Variants in RBFOX1 observed in about 807,000 individuals in gnomAD.
RBFOX1 encodes the protein RNA binding fox-1 homolog 1.
RBFOX1 carries 8 observed loss-of-function variants against 57.7 expected under a neutral mutation model. The ratio of observed to expected loss-of-function variants is 0.14; its 90% CI spans 0.08 to 0.25. The LOEUF (loss-of-function observed/expected upper bound fraction) is 0.25. RBFOX1 is among the 10% of genes least tolerant of loss of function. RBFOX1 has a pLI of 1.00. For synonymous variants in RBFOX1, 326 were observed against 222.4 expected, an observed-to-expected ratio of 1.47 and a Z score of -4.15; for missense variants, 611 against 548.5, an observed-to-expected ratio of 1.11 and a Z score of -1.14.
At chr16:5,859,090 A>G (rs777852444) in intron 3 of RBFOX1, among the ~76,000 whole-genome samples, 23 of 152,312 alleles carry the variant, frequency 1.5e-4, no homozygotes, top group Non-Finnish European at 3.1e-4. Context: ...CTGTGGTCCC[A>G]GCTACTTGGG....
chr16:6,773,851 A>T (rs751658894), intron 3 of RBFOX1: 425 of 534,096 alleles, frequency 8.0e-4, no homozygotes, highest in Non-Finnish European at 9.4e-4. Flanking sequence ...TTGTGTGTAT[A>T]TATGTGTGGA....
At chr16:5,845,893 C>T (rs2056743999) in intron 3 of RBFOX1, among the ~76,000 whole-genome samples, 1 of 152,126 alleles carries the variant, frequency 6.6e-6, no homozygotes, top group South Asian at 2.1e-4. Flanking sequence ...GAGAAAATGG[C>T]CTGGCGTGGT....
At chr16:6,058,829 TATTTATCCATCCATCCATCCATCC>T (rs1431796370) in intron 1 of RBFOX1, among the ~76,000 whole-genome samples, 5 of 125,468 alleles carry the variant, frequency 4.0e-5, no homozygotes, top group African/African-American at 9.0e-5. Flanking sequence ...CCCACTCATT[TATTTATCCATCCATCCATCCATCC>T]ATCCATCCAT....
At chr16:6,132,279 A>C (rs997721565) in intron 1 of RBFOX1, among the ~76,000 whole-genome samples, 1 of 151,720 alleles carries the variant, frequency 6.6e-6, no homozygotes, top group South Asian at 2.1e-4. Context: ...CCTGGCAGTT[A>C]GGTGGAGCTC....
chr16:6,253,691 G>T (rs1567781980), intron 1 of RBFOX1, among the ~76,000 whole-genome samples: 1 of 110,480 alleles, frequency 9.1e-6, no homozygotes, highest in African/African-American at 2.7e-5. Context: ...GTGTGTGTGT[G>T]TGTGTGTGTA....
intron 1 of RBFOX1, among the ~76,000 whole-genome samples, chr16:6,117,022 G>C (rs555685688): frequency 2.6e-5 from 4 of 152,138 alleles, no homozygotes; most frequent in Non-Finnish European, 5.9e-5. Context: ...TCTGAATAGG[G>C]TGTGTGTCCA....
At chr16:7,709,170 C>CTCCCT in intron 15 of RBFOX1, 39 bp downstream of exon 15, 1 of 1,545,282 alleles carries the variant, frequency 6.5e-7, no homozygotes, top group Non-Finnish European at 8.9e-7. Flanking sequence ...TTCCTCCTGC[C>CTCCCT]TCCCTTCCCT....
chr16:6,701,412 G>C (rs573494807), intron 3 of RBFOX1, among the ~76,000 whole-genome samples: 2 of 152,196 alleles, frequency 1.3e-5, no homozygotes, highest in Non-Finnish European at 2.9e-5. Flanking sequence ...GCATTAGTCT[G>C]TTTTACATTG....
At chr16:5,937,570 C>T (rs901717704) in intron 4 of RBFOX1, among the ~76,000 whole-genome samples, 1 of 150,652 alleles carries the variant, frequency 6.6e-6, no homozygotes, top group Non-Finnish European at 1.5e-5. Context: ...TATATAGTTG[C>T]TTATTTATAT....
chr16:6,121,323 A>C (rs570180726), intron 1 of RBFOX1, among the ~76,000 whole-genome samples: 3 of 152,256 alleles, frequency 2.0e-5, no homozygotes, highest in Non-Finnish European at 4.4e-5. Flanking sequence ...AAGGTGCCCC[A>C]GTGGGTGTGA....
intron 3 of RBFOX1, among the ~76,000 whole-genome samples, chr16:6,742,582 A>G (rs78754988): frequency 0.022 from 3,419 of 152,296 alleles, 147 homozygotes; most frequent in African/African-American, 0.078. Context: ...GGAAACAACC[A>G]AAATATCTAC....
At chr16:5,831,798 C>A (rs143621031) in intron 3 of RBFOX1, among the ~76,000 whole-genome samples, 1 of 152,044 alleles carries the variant, frequency 6.6e-6, no homozygotes, top group South Asian at 2.1e-4. Context: ...GCAAGATGGC[C>A]TAATACTGTC....
chr16:6,674,125 G>T (rs1370502602), intron 3 of RBFOX1, among the ~76,000 whole-genome samples: 1 of 152,128 alleles, frequency 6.6e-6, no homozygotes, highest in East Asian at 1.9e-4. Context: ...AGCTAAGATT[G>T]GTATTAAGTC....
In RBFOX1 at chr16:5,392,085, G is replaced by A. The variant is rs576767966; in HGVS notation, c.220-75131G>A. ...TCATAAGTGGGAGCTAAGCTATGAG[G>A]ACGCAAAGGCATAAGAATGATACAA... On this transcript the variant is annotated intron_variant, in intron 1 of 2. Transcript: ENST00000585867. 4.6e-5 allele frequency among the ~76,000 whole-genome samples: 7 copies of A among 152,144 alleles called. No homozygotes were observed. The South Asian group carries it at 1.5e-3, about 32-fold the overall frequency.
intron 3 of RBFOX1, among the ~76,000 whole-genome samples, chr16:6,856,030 A>G (rs1423540006): frequency 6.6e-6 from 1 of 152,014 alleles, no homozygotes; most frequent in Non-Finnish European, 1.5e-5. Flanking sequence ...TAACTAGGGA[A>G]TGGTGCTCAT....
At position 5,851,925 on chromosome 16, in the gene RBFOX1, A is replaced by G. The variant is rs1467698249; in HGVS notation, c.319-15378A>G. ...ACATTGGCTGGAGAGCAGAGGCTCC[A>G]TCATTAGAGGCACCCGAATTAAAAG... On this transcript the variant is annotated intron_variant, in intron 3 of 19. Transcript: ENST00000641259. Among the ~76,000 whole-genome samples the G allele has an allele frequency of 1.2e-4, 18 of 152,316 alleles. No homozygotes were observed. The East Asian group carries it at 3.3e-3, about 28-fold the overall frequency.
intron 2 of RBFOX1, among the ~76,000 whole-genome samples, chr16:5,499,397 C>G (rs989743467): frequency 1.3e-5 from 2 of 152,108 alleles, no homozygotes; most frequent in African/African-American, 2.4e-5. Flanking sequence ...TTCTGCTCAC[C>G]AATCCTGACC....
At chr16:7,000,586 CTTTTTCTTTCTT>C (rs1460420163) in intron 3 of RBFOX1, among the ~76,000 whole-genome samples, 1 of 95,834 alleles carries the variant, frequency 1.0e-5, no homozygotes, top group African/African-American at 3.4e-5. Flanking sequence ...TTTTTTCTTT[CTTTTTCTTTCTT>C]TTTTTTTTTT....
At chr16:6,522,357 A>T (rs902592257) in intron 2 of RBFOX1, among the ~76,000 whole-genome samples, 1 of 152,180 alleles carries the variant, frequency 6.6e-6, no homozygotes, top group African/African-American at 2.4e-5. Flanking sequence ...ATGGCTTACC[A>T]CTTTCCCCTG....
Sources: gnomAD v4.1 joint callset for allele counts (sites outside exome capture counted in the v4.1 genomes callset) on GRCh38, gnomAD v4.1.1 for gene constraint, MANE v1.5 for transcripts, NCBI Gene and HGNC (gene_info 2026-07-23, HGNC 2026-07-21) for gene names.